The following CEP250 variants were observed in gnomAD, a reference collection of about 807,000 sequenced individuals.
The protein encoded by CEP250 is centrosomal protein 250, also known as centrosome-associated protein CEP250.
In CEP250, 242 loss-of-function variants were observed where a neutral mutation model predicts 315.7. The observed-to-expected ratio is 0.77, with a 90% CI of 0.69 to 0.85. CEP250 has a LOEUF of 0.85. CEP250 is among the 40% of genes least tolerant of loss of function. The pLI is 0.00. For missense variants in CEP250, 2,515 were observed against 2,886.4 expected (o/e 0.87, Z 2.95); for synonymous variants, 1,088 against 1,175.0 (o/e 0.93, Z 1.51).
chr20:35,467,707 A>G (rs1328469943), intron 9 of CEP250, 152 bp downstream of exon 9: 2 of 877,812 alleles, frequency 2.3e-6, no homozygotes, highest in East Asian at 5.2e-5. Context: ...ACCTGATGCC[A>G]CAGTTGGGGC....
chr20:35,504,029 A>T lies in CEP250; in HGVS notation c.5660A>T (p.Glu1887Val), dbSNP rs768431825. Residue 1887 changes from glutamate to valine, a missense_variant, in exon 30 of 35, where the codon GAG (glutamate) becomes GTG (valine). Physicochemically the swap from Glu to Val is moderately radical, Grantham distance 121. Transcript: ENST00000397527. Reference protein sequence around the residue: ...VEGRRVQALEEVLGDLRAESR... With the variant: ...VEGRRVQALEVVLGDLRAESR... ...GGACGGCGGGTCCAGGCCCTGGAGGAGGTGCTGGGAGACCTAAGGGCTGAG... is the reference window on the plus strand; with the variant it reads ...GGACGGCGGGTCCAGGCCCTGGAGGTGGTGCTGGGAGACCTAAGGGCTGAG... The T allele has an allele frequency of 6.2e-7, 1 of 1,606,296 alleles. No homozygotes were observed. Among genetic ancestry groups the T allele is most frequent in the African/African-American group, 1.3e-5 (1 of 74,640 alleles).
rs1293793159 is a variant in CEP250, at chr20:35,508,988, G to T, written c.6952G>T (p.Ala2318Ser). The T allele has an allele frequency of 1.9e-6, 3 of 1,558,586 alleles. No homozygotes were observed. The highest frequency in any genetic ancestry group is 1.7e-6 in the Non-Finnish European group (2 of 1,150,406). ...RKLKREAMRAAQAGSLEISKA... is the reference protein window; with the variant it reads ...RKLKREAMRASQAGSLEISKA... ...GCTGAAGAGGGAGGCCATGCGTGCG[G>T]CCCAGGCAGGGTCCCTAGAGATCAG... is the stretch of plus-strand genomic sequence containing the variant. The change falls in exon 33 of 35, where the codon GCC (alanine) becomes TCC (serine). Residue 2318 changes from alanine to serine, a missense_variant. By Grantham distance (99) the Ala-to-Ser change is moderately conservative (BLOSUM62 1). Transcript: ENST00000397527.
chr20:35,472,797 G>A lies in CEP250; in HGVS notation c.1175G>A (p.Arg392His), dbSNP rs200471436. The change falls in exon 12 of 35, where the codon CGT (arginine) becomes CAT (histidine). Residue 392 changes from arginine to histidine, a missense_variant. Coordinates refer to ENST00000397527, the MANE Select transcript of CEP250 (RefSeq NM_007186.6). ...QDADKALTLVRSVLTRRRQAV... is the reference protein window; with the variant it reads ...QDADKALTLVHSVLTRRRQAV... ...GCAGACAAGGCTCTTACTCTGGTGC[G>A]TTCAGTGCTGACTCGGAGACGCCAG... 76 of 1,614,024 alleles carry A rather than the reference G, an allele frequency of 4.7e-5. No homozygotes were observed. The East Asian group carries it at 4.9e-4, about 10-fold the overall frequency.
chr20:35,509,203 C>T (rs927508183), intron 33 of CEP250, among the ~76,000 whole-genome samples, 159 bp downstream of exon 33: 2 of 152,174 alleles, frequency 1.3e-5, no homozygotes, highest in African/African-American at 4.8e-5. Flanking sequence ...TCAGTCTGTC[C>T]CTGCCCTGAG....
intron 22 of CEP250, among the ~76,000 whole-genome samples, chr20:35,491,834 G>A (rs1388079745): frequency 6.0e-5 from 9 of 150,938 alleles, no homozygotes; most frequent in South Asian, 2.1e-4. Context: ...CCCAGGAGGC[G>A]GAGGTTGCAG....
rs750270883 is a variant in CEP250, at chr20:35,498,040, G to A, written c.3628G>A (p.Ala1210Thr). The stretch of plus-strand genomic sequence containing the variant: ...TGAGCTGAGTGGTGGGGGAGACTCT[G>A]CTCCTTCCGTCTGGGGCCTTGAGCC... ...RPELSGGGDSAPSVWGLEPDQ... is the reference protein window; with the variant it reads ...RPELSGGGDSTPSVWGLEPDQ... The change falls in exon 26 of 35, where the codon GCT (alanine) becomes ACT (threonine). Residue 1210 changes from alanine (A) to threonine (T), a missense_variant. Transcript: ENST00000397527. The A allele has an allele frequency of 2.5e-6, 4 of 1,589,134 alleles. No homozygotes were observed. The Admixed American group carries it at 6.9e-5, about 27-fold the overall frequency.
rs1384739611 is a variant in CEP250 at position 35,494,602 on chromosome 20, A to C, written c.3112A>C (p.Arg1038=). The part of the protein sequence containing the change: ...LVEQEVQEKL[R]ETQEYNRIQK... ...GGAGCAGGAGGTTCAGGAGAAGCTG[A>C]GAGAGACCCAGGAGTATAACCGAAT... The change falls in exon 24 of 35, where the codon AGA becomes CGA. Residue 1038 remains arginine, a synonymous_variant. Transcript: ENST00000397527. The C allele has an allele frequency of 1.2e-5, 20 of 1,614,158 alleles. No homozygotes were observed. Among genetic ancestry groups the C allele is most frequent in the Non-Finnish European group, 1.7e-5 (20 of 1,180,020 alleles).
At chr20:35,466,643 G>A (rs2062884547) in intron 7 of CEP250, among the ~76,000 whole-genome samples, 2 of 152,026 alleles carry the variant, frequency 1.3e-5, no homozygotes, top group African/African-American at 4.8e-5. Context: ...TTTTTGCTTT[G>A]TGCTCAGTGG....
intron 20 of CEP250, among the ~76,000 whole-genome samples, chr20:35,482,111 T>C (rs1020022252): frequency 3.3e-5 from 5 of 151,652 alleles, no homozygotes; most frequent in African/African-American, 4.8e-5. Flanking sequence ...ATAGATTCAC[T>C]AAGTAAAACA....
At chr20:35,463,703 T>G (rs530427521) in intron 5 of CEP250, 72 bp downstream of exon 5, 2 of 1,323,788 alleles carry the variant, frequency 1.5e-6, no homozygotes, top group African/African-American at 3.0e-5. Flanking sequence ...ATTTGTTGAC[T>G]GAGGGAGGTT....
chr20:35,467,329 C>A lies in CEP250; in HGVS notation c.625C>A (p.His209Asn). The change falls in exon 9 of 35, where the codon CAT becomes AAT. Residue 209 changes from histidine (H) to asparagine (N), a missense_variant. Transcript: ENST00000397527. ...AGATCTGATGGAGCTAAAAGCTGAGCATGTGAGGCTTTCAGGGTCTCTGTT... is the reference window on the plus strand; with the variant it reads ...AGATCTGATGGAGCTAAAAGCTGAGAATGTGAGGCTTTCAGGGTCTCTGTT... ...DRDLMELKAE[H>N]VRLSGSLLTC... 6.2e-7 allele frequency: 1 copy of A among 1,613,936 alleles called. No homozygotes were observed.
Position 35,508,949 on chromosome 20 carries a change from C to G in CEP250, c.6913C>G (p.Arg2305Gly). Residue 2305 changes from arginine (R) to glycine (G), a missense_variant, in exon 33 of 35, where the codon CGA becomes GGA. Physicochemically the swap from Arg to Gly is moderately radical, Grantham distance 125 (BLOSUM62 -2). Coordinates refer to ENST00000397527, the MANE Select transcript of CEP250 (RefSeq NM_007186.6). ...QLRSTLEQVE[R>G]ERRKLKREAM... ...CTTATTTGCACCTTGGCAGGTGGAG[C>G]GAGAACGGAGGAAGCTGAAGAGGGA... The G allele has an allele frequency of 1.3e-6, 2 of 1,553,054 alleles. No individual in the cohort carries two copies. The highest frequency in any genetic ancestry group is 8.7e-7 in the Non-Finnish European group (1 of 1,147,802).
chr20:35,484,731 A>G (rs2063456761), intron 20 of CEP250, among the ~76,000 whole-genome samples: 1 of 152,012 alleles, frequency 6.6e-6, no homozygotes, highest in Non-Finnish European at 1.5e-5. Flanking sequence ...CCACAGGCAC[A>G]GTCCACCATG....
rs752927836 is a variant in CEP250 at position 35,479,946 on chromosome 20, G to T, written c.2417-30G>T. ...ATTTTATTAGGTAAAAGGAGGGGGCGGAGGCCTGATCCTGTCCCTGGCATG... is the reference window on the plus strand; with the variant it reads ...ATTTTATTAGGTAAAAGGAGGGGGCTGAGGCCTGATCCTGTCCCTGGCATG... On this transcript the variant is annotated intron_variant, in intron 19 of 34. Transcript: ENST00000397527. The T allele has an allele frequency of 1.2e-6, 2 of 1,609,782 alleles. 1 individual carries two copies. The highest frequency in any genetic ancestry group is 2.2e-5 in the South Asian group (2 of 90,738).
In CEP250 at chr20:35,517,770, TAAAG is replaced by T. The variant is rs1397741678; in HGVS notation, c.*6147_*6150del. On this transcript the variant is annotated 3_prime_UTR_variant, in exon 35 of 35. Coordinates refer to ENST00000397527, the MANE Select transcript of CEP250 (RefSeq NM_007186.6). ...CCTGTCTCAAAAAAAAAAAAAAAAT[TAAAG>T]AAGTTAAACAGTGCCGGGCTTGGGG... 1.3e-5 allele frequency: 2 copies of T among 148,722 alleles called. No individual in the cohort carries two copies. Among genetic ancestry groups the T allele is most frequent in the South Asian group, 2.1e-4 (1 of 4,722 alleles). The allele number at this position is 148,722 out of a possible 1,614,324, so 9.2% of individuals were successfully genotyped here. A position where few individuals can be genotyped will look rare whatever the true frequency, so the allele number is the denominator to read the frequency against.
intron 27 of CEP250, 96 bp from the exon 28 acceptor site, chr20:35,499,953 C>A: frequency 3.3e-6 from 5 of 1,511,156 alleles, no homozygotes; most frequent in Non-Finnish European, 4.5e-6. Context: ...CAATGGCGGC[C>A]CACCACAGAA....
In CEP250 at chr20:35,503,576, A is replaced by G; in HGVS notation, c.5207A>G (p.Lys1736Arg). ...HMKLILRDKE[K>R]EVECQQEHIH... ...AAGCTGATCCTGCGTGATAAGGAGA[A>G]GGAGGTGGAATGTCAGCAGGAGCAT... is the stretch of plus-strand genomic sequence containing the variant. Residue 1736 changes from lysine (K) to arginine (R), a missense_variant, in exon 30 of 35, where the codon AAG becomes AGG. Lys to Arg is a conservative substitution (Grantham distance 26). Transcript: ENST00000397527. The surrounding 1 kb of genome is among the most constrained non-coding windows in gnomAD (Gnocchi z 4.2). 1 of 1,614,128 alleles carries G rather than the reference A, an allele frequency of 6.2e-7. No homozygotes were observed. Among genetic ancestry groups the G allele is most frequent in the South Asian group, 1.1e-5 (1 of 91,078 alleles).
At chr20:35,472,875 C>A in intron 12 of CEP250, 44 bp downstream of exon 12, 1 of 1,606,920 alleles carries the variant, frequency 6.2e-7, no homozygotes, top group Non-Finnish European at 8.5e-7. Context: ...GGGTTTGTGT[C>A]TAAACTGGTT....
rs781139099 is a variant in CEP250 at position 35,493,583 on chromosome 20, C to T, written c.3033+11C>T. Reference sequence around the variant, plus strand: ...GACCTGCAGAAGCAGGTCCCCTCCTCCTCCCCACCAAGTCCCATGGTCCTT... The same window carrying T: ...GACCTGCAGAAGCAGGTCCCCTCCTTCTCCCCACCAAGTCCCATGGTCCTT... On this transcript the variant is annotated intron_variant, in intron 23 of 34. Transcript: ENST00000397527. 2.0e-6 allele frequency: 3 copies of T among 1,516,998 alleles called. No homozygotes were observed. Among genetic ancestry groups the T allele is most frequent in the Non-Finnish European group, 2.6e-6 (3 of 1,132,928 alleles). The allele number at this position is 1,516,998 out of a possible 1,614,324, so 94.0% of individuals were successfully genotyped here.
Sources: allele counts gnomAD v4.1 joint callset (sites outside exome capture counted in the v4.1 genomes callset), GRCh38; gene constraint gnomAD v4.1.1; non-coding constraint Gnocchi (gnomAD v3.1); transcripts MANE v1.5; gene names NCBI Gene and HGNC (gene_info 2026-07-23, HGNC 2026-07-21).